Variants in ZFHX3 observed in about 807,000 individuals in gnomAD.
ZFHX3 encodes the protein zinc finger homeobox protein 3.
A neutral mutation model predicts 279.1 loss-of-function variants in ZFHX3; 42 were observed. The ratio of observed to expected loss-of-function variants is 0.15; its 90% CI spans 0.12 to 0.19. The LOEUF is 0.19. Ranked by LOEUF, ZFHX3 falls within the 10% of genes least tolerant of loss-of-function variation. ZFHX3 has a pLI of 1.00. For missense variants in ZFHX3, 4,981 were observed against 4,754.0 expected, an observed-to-expected ratio of 1.05 and a Z score of -1.40; for synonymous variants, 2,293 against 1,957.8, an observed-to-expected ratio of 1.17 and a Z score of -4.52.
At chr16:73,334,052 A>G (rs1002525155) in intron 3 of ZFHX3, among the ~76,000 whole-genome samples, 5 of 152,178 alleles carry the variant, frequency 3.3e-5, no homozygotes, top group Non-Finnish European at 2.9e-5. Context: ...AATCAGACAG[A>G]GAAGAGGATG....
At chr16:73,664,383 G>C (rs2052814795) in intron 2 of ZFHX3, among the ~76,000 whole-genome samples, 1 of 152,280 alleles carries the variant, frequency 6.6e-6, no homozygotes, top group Middle Eastern at 3.4e-3. Context: ...GATGGCTTAA[G>C]GTTAAAGGAT....
At chr16:73,784,783 A>ACAAC (rs58239690) in intron 1 of ZFHX3, among the ~76,000 whole-genome samples, 4 of 100,186 alleles carry the variant, frequency 4.0e-5, no homozygotes, top group African/African-American at 2.7e-4. Flanking sequence ...ATTTTTAACA[A>ACAAC]AATAAAAAAA....
intron 1 of ZFHX3, among the ~76,000 whole-genome samples, chr16:73,045,053 C>A (rs1001006491): frequency 2.0e-5 from 3 of 152,130 alleles, no homozygotes; most frequent in Admixed American, 6.5e-5. Flanking sequence ...TACAACTCTG[C>A]AATAAAAATA....
At chr16:73,046,508 C>G (rs1418201601) in intron 1 of ZFHX3, among the ~76,000 whole-genome samples, 1 of 152,118 alleles carries the variant, frequency 6.6e-6, no homozygotes, top group Non-Finnish European at 1.5e-5. Flanking sequence ...TCCCTTGAAA[C>G]CTATCCAGAA....
rs75174704 is a variant in ZFHX3 at position 72,798,719 on chromosome 16, T to TAAAAAAA, written c.3968-12_3968-6dup. The TAAAAAAA allele has an allele frequency of 1.1e-6, 1 of 928,464 alleles. No homozygotes were observed. The highest frequency in any genetic ancestry group is 2.8e-5 in the Admixed American group (1 of 36,316). 57.5% of individuals were successfully genotyped at this position (928,464 alleles called of 1,614,324 possible). A position where few individuals can be genotyped will look rare whatever the true frequency, so the allele number is the denominator to read the frequency against. On this transcript the variant is annotated splice_region_variant and splice_polypyrimidine_tract_variant and intron_variant, in intron 8 of 9. Coordinates refer to ENST00000268489, the MANE Select transcript of ZFHX3 (RefSeq NM_006885.4). ...TTCCCAGATCCTCTGAGGTTTCTGT[T>TAAAAAAA]AAAAAAAAAAAAAAAATCAAACCCA...
chr16:73,631,005 C>T (rs989355082), intron 2 of ZFHX3, among the ~76,000 whole-genome samples: 19 of 143,676 alleles, frequency 1.3e-4, no homozygotes, highest in African/African-American at 3.7e-4. Context: ...AAGTGATGTT[C>T]GCATTGTGGC....
chr16:73,758,607 T>C (rs558038968), intron 1 of ZFHX3, among the ~76,000 whole-genome samples: 245 of 152,308 alleles, frequency 1.6e-3, no homozygotes, highest in Middle Eastern at 6.8e-3. Flanking sequence ...ACAGCTTTGC[T>C]AAGAGCTAGG....
At chr16:72,980,837 A>T (rs2144540314) in intron 1 of ZFHX3, among the ~76,000 whole-genome samples, 1 of 152,348 alleles carries the variant, frequency 6.6e-6, no homozygotes, top group East Asian at 1.9e-4. Flanking sequence ...GCTTCAAAAT[A>T]TTTCAGCAAC....
chr16:73,646,459 G>A (rs1468909237), intron 2 of ZFHX3, among the ~76,000 whole-genome samples: 1 of 151,564 alleles, frequency 6.6e-6, no homozygotes, highest in African/African-American at 2.4e-5. Flanking sequence ...GATAGAAAGA[G>A]AAGAGAAAAC....
At chr16:73,583,846 T>A (rs1166731006) in intron 2 of ZFHX3, among the ~76,000 whole-genome samples, 1 of 152,146 alleles carries the variant, frequency 6.6e-6, no homozygotes, top group Non-Finnish European at 1.5e-5. Flanking sequence ...ATTGGACAGA[T>A]TCTGATCAGA....
chr16:73,450,820 C>G (rs890152417), intron 3 of ZFHX3, among the ~76,000 whole-genome samples: 3 of 152,198 alleles, frequency 2.0e-5, no homozygotes, highest in Non-Finnish European at 4.4e-5. Context: ...CAGGGGGAGT[C>G]TTTTTCTCCT....
At chr16:73,850,609 GA>G (rs761223143) in intron 1 of ZFHX3, among the ~76,000 whole-genome samples, 2 of 152,118 alleles carry the variant, frequency 1.3e-5, no homozygotes, top group African/African-American at 2.4e-5. Flanking sequence ...CATCCCAGGG[GA>G]AGCTCTGGGG....
chr16:73,224,801 G>A (rs1597229255), intron 5 of ZFHX3, among the ~76,000 whole-genome samples: 1 of 152,250 alleles, frequency 6.6e-6, no homozygotes, highest in East Asian at 1.9e-4. Flanking sequence ...AGGTCAAAAA[G>A]GAAAGTTGCT....
intron 2 of ZFHX3, among the ~76,000 whole-genome samples, chr16:73,537,477 C>T (rs1044672048): frequency 3.3e-5 from 5 of 151,960 alleles, no homozygotes; most frequent in Non-Finnish European, 5.9e-5. Flanking sequence ...CTGCCACGCC[C>T]GGCTAATTGT....
At chr16:73,555,256 G>A (rs909317418) in intron 2 of ZFHX3, among the ~76,000 whole-genome samples, 2 of 152,004 alleles carry the variant, frequency 1.3e-5, no homozygotes, top group East Asian at 2.0e-4. Context: ...CCGGGTTCAA[G>A]CGATTCTCCT....
intron 2 of ZFHX3, among the ~76,000 whole-genome samples, chr16:72,954,326 C>T (rs1252245454): frequency 6.6e-6 from 1 of 152,050 alleles, no homozygotes; most frequent in Non-Finnish European, 1.5e-5. Flanking sequence ...GCCGAGACTG[C>T]GCTATTGCAC....
chr16:73,884,560 A>G (rs2030285290), intron 1 of ZFHX3, among the ~76,000 whole-genome samples: 1 of 152,212 alleles, frequency 6.6e-6, no homozygotes. Flanking sequence ...CACTTTGTTC[A>G]TTCAGCCCTG....
chr16:72,884,176 T>G (rs2038565890), intron 4 of ZFHX3, among the ~76,000 whole-genome samples: 1 of 152,194 alleles, frequency 6.6e-6, no homozygotes, highest in Admixed American at 6.5e-5. Context: ...ACCCTGAAAC[T>G]TGGTTTAAAA....
chr16:73,258,343 AT>A (rs200707560), intron 4 of ZFHX3, among the ~76,000 whole-genome samples: 40,424 of 150,488 alleles, frequency 0.27, 5,930 homozygotes, highest in Middle Eastern at 0.46. Context: ...TATGACATAT[AT>A]ATATATATAT....
Sources: gnomAD v4.1 joint callset for allele counts (sites outside exome capture counted in the v4.1 genomes callset) on GRCh38, gnomAD v4.1.1 for gene constraint, MANE v1.5 for transcripts, NCBI Gene and HGNC (gene_info 2026-07-23, HGNC 2026-07-21) for gene names.